Variants in FAM107B observed in about 807,000 individuals in gnomAD.
FAM107B encodes family with sequence similarity 107 member B.
FAM107B carries 21 observed loss-of-function variants against 31.5 expected under a neutral mutation model. The ratio of observed to expected loss-of-function variants is 0.67; its 90% CI spans 0.47 to 0.96. The LOEUF (loss-of-function observed/expected upper bound fraction) is 0.96. Among genes scored for constraint, FAM107B ranks in the 40% least tolerant of loss-of-function variants. The pLI is 0.00. For missense variants in FAM107B, 452 were observed against 377.1 expected (o/e 1.20, Z -1.64); for synonymous variants, 157 against 141.5 (o/e 1.11, Z -0.78).
intron 2 of FAM107B, among the ~76,000 whole-genome samples, chr10:14,662,233 C>A (rs1023926074): frequency 2.6e-5 from 4 of 152,192 alleles, no homozygotes; most frequent in African/African-American, 9.6e-5. Flanking sequence ...ATAATCCCTG[C>A]TTTTGGGGAG....
chr10:14,568,172 G>A (rs1850839073), intron 2 of FAM107B, among the ~76,000 whole-genome samples: 2 of 152,256 alleles, frequency 1.3e-5, no homozygotes, highest in Admixed American at 6.5e-5. Context: ...GCGAGGGGAA[G>A]GGTCATGACC....
chr10:14,527,004 A>G (rs1030706691), intron 3 of FAM107B, among the ~76,000 whole-genome samples: 1 of 151,782 alleles, frequency 6.6e-6, no homozygotes, highest in Non-Finnish European at 1.5e-5. Context: ...CGCCCAGCTA[A>G]TTTTTTATAT....
At chr10:14,667,152 T>C (rs1854422348) in intron 2 of FAM107B, among the ~76,000 whole-genome samples, 1 of 152,232 alleles carries the variant, frequency 6.6e-6, no homozygotes, top group Admixed American at 6.5e-5. Flanking sequence ...ATAAATTCAC[T>C]CGTCATTTAT....
chr10:14,630,694 C>A (rs563958155), intron 2 of FAM107B, among the ~76,000 whole-genome samples: 1 of 151,104 alleles, frequency 6.6e-6, no homozygotes, highest in African/African-American at 2.4e-5. Flanking sequence ...TAAAAAATAC[C>A]CCCAAAATTA....
Position 14,666,833 on chromosome 10 carries a change from C to T in FAM107B, c.469+801G>A, listed in dbSNP as rs573070480. 4.3e-4 allele frequency among the ~76,000 whole-genome samples: 66 copies of T among 152,162 alleles called. 1 individual carries two copies. In the South Asian group the frequency reaches 0.013, roughly 31 times the overall value. ...GCTCATTGTGTCTCCTTCATCTATA[C>T]CAGAGTAGGGTGCTACTTTTCCTCC... On this transcript the variant is annotated intron_variant, in intron 2 of 4. Transcript: ENST00000181796.
chr10:14,540,204 C>T (rs1848039470), intron 2 of FAM107B, among the ~76,000 whole-genome samples: 1 of 152,176 alleles, frequency 6.6e-6, no homozygotes, highest in Admixed American at 6.5e-5. Context: ...CTGAGAAGGA[C>T]CTTGGCTAAT....
chr10:14,612,805 C>T (rs10752340), intron 2 of FAM107B, among the ~76,000 whole-genome samples: 49,862 of 151,794 alleles, frequency 0.33, 8,518 homozygotes, highest in East Asian at 0.53. Context: ...GTAAAAAAGA[C>T]TGGGAATAAA....
chr10:14,526,339 A>C (rs1463254841), intron 3 of FAM107B, among the ~76,000 whole-genome samples: 1 of 151,980 alleles, frequency 6.6e-6, no homozygotes, highest in Non-Finnish European at 1.5e-5. Context: ...ACGCCCAGCT[A>C]ATTTTTTTGT....
intron 2 of FAM107B, among the ~76,000 whole-genome samples, chr10:14,617,718 A>C (rs568160390): frequency 6.7e-4 from 102 of 151,632 alleles, no homozygotes; most frequent in Non-Finnish European, 1.1e-3. Context: ...GTCAGGAGTA[A>C]AGAATAAACA....
intron 3 of FAM107B, among the ~76,000 whole-genome samples, chr10:14,526,260 G>T (rs562465702): frequency 6.6e-6 from 1 of 152,056 alleles, no homozygotes; most frequent in Non-Finnish European, 1.5e-5. Context: ...TGCAACCTCC[G>T]CTTCCTGGGT....
chr10:14,722,131 C>T lies in FAM107B; in HGVS notation c.411+52122G>A, dbSNP rs117531855. Among the ~76,000 whole-genome samples the T allele has an allele frequency of 9.5e-3, 1,445 of 152,310 alleles. 9 individuals are homozygous for T. Among genetic ancestry groups the T allele is most frequent in the Non-Finnish European group, 0.015 (1,017 of 68,010 alleles). On this transcript the variant is annotated intron_variant, in intron 1 of 4. Transcript: ENST00000181796. ...TCACAAAATTGTGCAAACATCACTACTAATTCCAGAATATTTTCATTACTC... is the reference window on the plus strand; with the variant it reads ...TCACAAAATTGTGCAAACATCACTATTAATTCCAGAATATTTTCATTACTC...
chr10:14,622,507 A>G (rs933086085), intron 2 of FAM107B, among the ~76,000 whole-genome samples: 6 of 152,082 alleles, frequency 3.9e-5, no homozygotes, highest in African/African-American at 7.2e-5. Context: ...GGGTTTCACT[A>G]TGTTGGCCAG....
intron 1 of FAM107B, among the ~76,000 whole-genome samples, chr10:14,756,525 G>A (rs1479195201): frequency 1.3e-5 from 2 of 152,214 alleles, no homozygotes; most frequent in African/African-American, 4.8e-5. Flanking sequence ...AGCATCCAGC[G>A]AGGTTGTGGA....
In FAM107B at chr10:14,556,979, T is replaced by C. The variant is rs1849761349; in HGVS notation, c.470-26464A>G. On this transcript the variant is annotated intron_variant, in intron 2 of 4. Coordinates refer to ENST00000181796, the MANE Select transcript of FAM107B (RefSeq NM_031453.4). ...TTCATTCCTGGAACACACCAAACTC[T>C]TTCTGGGCTGCATGTCTTGGTGCAC... Among the ~76,000 whole-genome samples, 5 of 152,158 alleles carry C rather than the reference T, an allele frequency of 3.3e-5. No individual in the cohort carries two copies. The South Asian group carries it at 1.0e-3, about 32-fold the overall frequency.
At chr10:14,767,085 GAGAGAGAGAGAGAGAC>G (rs1564295859) in intron 1 of FAM107B, among the ~76,000 whole-genome samples, 37 of 109,378 alleles carry the variant, frequency 3.4e-4, no homozygotes, top group African/African-American at 1.4e-3. Flanking sequence ...GAGAGAGAGA[GAGAGAGAGAGAGAGAC>G]AGAGAGAGAG....
chr10:14,700,689 CT>C (rs36093045), intron 1 of FAM107B, among the ~76,000 whole-genome samples: 2 of 152,130 alleles, frequency 1.3e-5, no homozygotes, highest in African/African-American at 4.8e-5. Flanking sequence ...AACAATGATG[CT>C]TTTTTCCCCC....
chr10:14,669,397 T>C (rs904751831), intron 1 of FAM107B, among the ~76,000 whole-genome samples: 5 of 138,036 alleles, frequency 3.6e-5, no homozygotes, highest in Non-Finnish European at 7.8e-5. Flanking sequence ...AAGAAAGAAA[T>C]GTCCTTTTCG....
intron 1 of FAM107B, among the ~76,000 whole-genome samples, chr10:14,695,528 G>A (rs1588711679): frequency 6.6e-6 from 1 of 152,130 alleles, no homozygotes; most frequent in Non-Finnish European, 1.5e-5. Flanking sequence ...TGTGAAGAAT[G>A]CCACTGGGAT....
intron 3 of FAM107B, chr10:14,522,344 C>G: frequency 4.5e-6 from 1 of 221,400 alleles, no homozygotes; most frequent in South Asian, 9.2e-5. Flanking sequence ...GTGCCCATGA[C>G]AGAGACGGAG....
Sources: gnomAD v4.1 joint callset for allele counts (sites outside exome capture counted in the v4.1 genomes callset) on GRCh38, gnomAD v4.1.1 for gene constraint, MANE v1.5 for transcripts, NCBI Gene and HGNC (gene_info 2026-07-23, HGNC 2026-07-21) for gene names.